The following HELZ variants were observed in gnomAD, a reference collection of about 807,000 sequenced individuals.
HELZ encodes the protein ATP-dependent RNA helicase with zinc finger domain.
A neutral mutation model predicts 218.2 loss-of-function variants in HELZ; 23 were observed. That is an observed-to-expected ratio of 0.11 (90% CI 0.08 to 0.15). The LOEUF (loss-of-function observed/expected upper bound fraction) is 0.15, where lower values mean the gene tolerates loss of function less well. Among genes scored for constraint, HELZ ranks in the 10% least tolerant of loss-of-function variants. The pLI is 1.00. For missense variants in HELZ, 1,813 were observed against 2,353.7 expected (o/e 0.77, Z 4.75); for synonymous variants, 814 against 829.4 (o/e 0.98, Z 0.32).
chr17:67,133,362 T>C (rs2038046634), intron 23 of HELZ, among the ~76,000 whole-genome samples: 1 of 152,298 alleles, frequency 6.6e-6, no homozygotes, highest in Admixed American at 6.5e-5. Context: ...TAATGATTTC[T>C]GTCAAGACAA....
At chr17:67,244,834 G>A in intron 1 of HELZ, 1 of 985,514 alleles carries the variant, frequency 1.0e-6, no homozygotes, top group Non-Finnish European at 1.2e-6. Flanking sequence ...CTGGGCCGGA[G>A]AAACCTCCCG....
intron 17 of HELZ, 127 bp from the exon 18 acceptor site, chr17:67,151,351 G>A (rs2038676328): frequency 1.2e-5 from 9 of 723,126 alleles, no homozygotes; most frequent in East Asian, 2.8e-5. Flanking sequence ...TCTGGTAACC[G>A]TTAGCACTCT....
At chr17:67,136,224 G>T (rs1271090104) in intron 22 of HELZ, 26 bp from the exon 23 acceptor site, 1 of 1,456,888 alleles carries the variant, frequency 6.9e-7, no homozygotes, top group Non-Finnish European at 9.5e-7. Flanking sequence ...TTTAAGAAAA[G>T]ACTTAAGATT....
chr17:67,093,056 G>A (rs2036622747), intron 31 of HELZ, among the ~76,000 whole-genome samples: 1 of 152,148 alleles, frequency 6.6e-6, no homozygotes, highest in African/African-American at 2.4e-5. Flanking sequence ...TTGAAAAAAG[G>A]GAGGCCCGGA....
At chr17:67,128,878 C>A in intron 23 of HELZ, 23 bp from the exon 24 acceptor site, 1 of 1,548,642 alleles carries the variant, frequency 6.5e-7, no homozygotes, top group South Asian at 1.1e-5. Context: ...TTTACAAGAT[C>A]AGATTACAAT....
chr17:67,180,755 G>A (rs191215419), intron 12 of HELZ, among the ~76,000 whole-genome samples: 68 of 152,068 alleles, frequency 4.5e-4, no homozygotes, highest in African/African-American at 1.5e-3. Context: ...GCGGGTGCCT[G>A]TAGTCCCAGC....
intron 13 of HELZ, among the ~76,000 whole-genome samples, chr17:67,175,951 T>C (rs2039443453): frequency 6.6e-6 from 1 of 152,058 alleles, no homozygotes; most frequent in African/African-American, 2.4e-5. Flanking sequence ...AGCTCAGAAG[T>C]TCCTATAAAA....
chr17:67,126,967 T>G (rs973513544), intron 24 of HELZ, among the ~76,000 whole-genome samples: 4 of 152,238 alleles, frequency 2.6e-5, no homozygotes, highest in Admixed American at 1.3e-4. Flanking sequence ...AAAGCTCTCT[T>G]AAGCTTTACT....
chr17:67,213,724 C>T (rs1481931549), intron 5 of HELZ, among the ~76,000 whole-genome samples: 2 of 152,086 alleles, frequency 1.3e-5, no homozygotes, highest in Admixed American at 6.6e-5. Context: ...TAAGAAAGAA[C>T]ATATGTTTAT....
intron 4 of HELZ, 29 bp from the exon 5 acceptor site, chr17:67,215,964 A>C (rs754366401): frequency 1.5e-6 from 2 of 1,307,168 alleles, no homozygotes; most frequent in South Asian, 2.4e-5. Context: ...AGATAAAATT[A>C]AGTATTTCAA....
intron 20 of HELZ, 49 bp downstream of exon 20, chr17:67,148,520 A>C: frequency 1.3e-6 from 2 of 1,549,376 alleles, no homozygotes; most frequent in Non-Finnish European, 1.8e-6. Context: ...GTTCCCTCCT[A>C]CTATCAGACC....
chr17:67,109,102 G>C lies in HELZ; in HGVS notation c.4489+14C>G. The C allele has an allele frequency of 1.9e-6, 3 of 1,565,556 alleles. No individual in the cohort carries two copies. The highest frequency in any genetic ancestry group is 8.7e-7 in the Non-Finnish European group (1 of 1,148,696). On this transcript the variant is annotated intron_variant, in intron 29 of 32. Coordinates refer to ENST00000358691, the MANE Select transcript of HELZ (RefSeq NM_014877.4). Reference sequence around the variant, plus strand: ...AATCTCTGAATTTTCACATCTGGCAGTAATAGAACTTACCTAAAGCCTCCC... The same window carrying C: ...AATCTCTGAATTTTCACATCTGGCACTAATAGAACTTACCTAAAGCCTCCC...
intron 31 of HELZ, among the ~76,000 whole-genome samples, chr17:67,102,046 C>G (rs1189636547): frequency 6.6e-6 from 1 of 152,222 alleles, no homozygotes; most frequent in East Asian, 1.9e-4. Flanking sequence ...AATGTCCAGC[C>G]TTAGCCAAGC....
At chr17:67,115,161 G>A (rs998446135) in intron 27 of HELZ, among the ~76,000 whole-genome samples, 2 of 151,998 alleles carry the variant, frequency 1.3e-5, no homozygotes, top group Non-Finnish European at 2.9e-5. Context: ...TATAGTATCG[G>A]AGATGAAGAA....
At chr17:67,080,485 G>A (rs1246859400) in intron 32 of HELZ, among the ~76,000 whole-genome samples, 1 of 152,114 alleles carries the variant, frequency 6.6e-6, no homozygotes, top group Admixed American at 6.6e-5. Flanking sequence ...GGTGAGCCAT[G>A]CTCAGTCTGC....
At chr17:67,112,356 G>A (rs1431493277) in intron 28 of HELZ, among the ~76,000 whole-genome samples, 2 of 152,214 alleles carry the variant, frequency 1.3e-5, no homozygotes, top group Admixed American at 1.3e-4. Context: ...GTTGCTCTGA[G>A]AGCACCTAAG....
intron 13 of HELZ, among the ~76,000 whole-genome samples, chr17:67,174,009 T>C (rs1158642310): frequency 2.0e-5 from 3 of 152,208 alleles, no homozygotes; most frequent in Non-Finnish European, 2.9e-5. Flanking sequence ...CAGATTTCAC[T>C]TCAAAGTAGA....
chr17:67,216,096 C>A (rs537249849), intron 4 of HELZ, among the ~76,000 whole-genome samples, 161 bp from the exon 5 acceptor site: 1 of 152,262 alleles, frequency 6.6e-6, no homozygotes, highest in East Asian at 1.9e-4. Context: ...CTGAGGATTA[C>A]AGGGCACTCT....
At chr17:67,225,213 C>A in intron 3 of HELZ, 1 of 301,264 alleles carries the variant, frequency 3.3e-6, no homozygotes, top group Non-Finnish European at 6.3e-6. Context: ...ATTATATGTA[C>A]GTAATCTAAT....
Sources: gnomAD v4.1 joint callset for allele counts (sites outside exome capture counted in the v4.1 genomes callset) on GRCh38, gnomAD v4.1.1 for gene constraint, MANE v1.5 for transcripts, NCBI Gene and HGNC (gene_info 2026-07-23, HGNC 2026-07-21) for gene names.